RGS6: variants seen among roughly 807,000 people sequenced by gnomAD.
The protein encoded by RGS6 is regulator of G protein signaling 6, also known as regulator of G-protein signaling 6.
In RGS6, 30 loss-of-function variants were observed where a neutral mutation model predicts 78.5. The ratio of observed to expected loss-of-function variants is 0.38; its 90% CI spans 0.29 to 0.52. The LOEUF is 0.52. Among genes scored for constraint, RGS6 ranks in the 20% least tolerant of loss-of-function variants. The pLI is 0.85. For missense variants in RGS6, 495 were observed against 609.7 expected, an observed-to-expected ratio of 0.81 and a Z score of 1.98; for synonymous variants, 206 against 206.0, an observed-to-expected ratio of 1.00 and a Z score of 0.00.
chr14:72,009,990 C>T (rs761618108), intron 2 of RGS6, among the ~76,000 whole-genome samples: 20 of 152,210 alleles, frequency 1.3e-4, no homozygotes, highest in Middle Eastern at 6.3e-3. Context: ...AAGAATCAAT[C>T]GCAGTGGCAG....
chr14:72,194,172 G>A (rs140108119), intron 2 of RGS6, among the ~76,000 whole-genome samples: 5 of 152,064 alleles, frequency 3.3e-5, no homozygotes, highest in African/African-American at 1.2e-4. Context: ...TTTTGAAGGC[G>A]GAGTTCATTC....
At position 72,280,269 on chromosome 14, in the gene RGS6, G is replaced by C. The variant is rs549145695; in HGVS notation, c.85-71826G>C. ...CATAAGCATCAGAAAAAGTGAATAG[G>C]TTTTTAAAATAATAGGGAATAGAGA... On this transcript the variant is annotated intron_variant, in intron 2 of 17. Transcript: ENST00000553525. 2.0e-5 allele frequency among the ~76,000 whole-genome samples: 3 copies of C among 152,194 alleles called. No homozygotes were observed. In the Middle Eastern group the frequency reaches 0.01, roughly 518 times the overall value.
intron 2 of RGS6, among the ~76,000 whole-genome samples, chr14:72,282,528 T>G (rs2061754667): frequency 6.6e-6 from 1 of 152,198 alleles, no homozygotes; most frequent in South Asian, 2.1e-4. Context: ...CACCCCTGCT[T>G]AATGCTACTC....
At chr14:72,558,573 T>C (rs147944623) in intron 17 of RGS6, among the ~76,000 whole-genome samples, 95 of 152,334 alleles carry the variant, frequency 6.2e-4, no homozygotes, top group Non-Finnish European at 9.8e-4. Flanking sequence ...GGGCTATTCC[T>C]TTTGTGTGTT....
intron 16 of RGS6, 93 bp from the exon 17 acceptor site, chr14:72,539,948 T>G: frequency 8.9e-7 from 1 of 1,128,682 alleles, no homozygotes; most frequent in South Asian, 1.5e-5. Context: ...TGTTATTCTT[T>G]AGCTGCAGCT....
At chr14:72,321,398 TAAAA>T (rs908237516) in intron 2 of RGS6, among the ~76,000 whole-genome samples, 2 of 150,752 alleles carry the variant, frequency 1.3e-5, no homozygotes, top group Non-Finnish European at 3.0e-5. Context: ...ACTCCCATAT[TAAAA>T]AAAAAGATTC....
At chr14:72,098,357 A>G (rs914957860) in intron 2 of RGS6, among the ~76,000 whole-genome samples, 25 of 152,178 alleles carry the variant, frequency 1.6e-4, no homozygotes, top group African/African-American at 5.8e-4. Flanking sequence ...GTCCCCTGAA[A>G]GGGGTGAAGT....
chr14:71,992,183 G>A lies in RGS6; in HGVS notation c.84+27308G>A, dbSNP rs148148438. Among the ~76,000 whole-genome samples the A allele has an allele frequency of 6.2e-4, 94 of 152,140 alleles. No individual in the cohort carries two copies. The Middle Eastern group carries it at 0.01, about 17-fold the overall frequency. ...ATAGCTGGGACTATAGGCCTGCGCC[G>A]CCATGCTTGGCTAATTTTTTTGTAG... On this transcript the variant is annotated intron_variant, in intron 2 of 17. Coordinates refer to ENST00000553525, the MANE Select transcript of RGS6 (RefSeq NM_001204424.2).
intron 6 of RGS6, 50 bp from the exon 7 acceptor site, chr14:72,465,708 C>A: frequency 7.3e-7 from 1 of 1,361,342 alleles, no homozygotes; most frequent in South Asian, 1.2e-5. Flanking sequence ...GCTTATAATT[C>A]CATTGTGCTG....
intron 2 of RGS6, among the ~76,000 whole-genome samples, chr14:72,158,867 T>A (rs2096812344): frequency 6.6e-6 from 1 of 150,602 alleles, no homozygotes; most frequent in African/African-American, 2.4e-5. Context: ...CTCTAGAGCT[T>A]TCTGCCTGGG....
At chr14:72,304,773 G>A (rs555831007) in intron 2 of RGS6, among the ~76,000 whole-genome samples, 10 of 152,158 alleles carry the variant, frequency 6.6e-5, no homozygotes, top group South Asian at 2.1e-4. Context: ...CAGGCTACTC[G>A]GGAGGTTGAG....
intron 2 of RGS6, among the ~76,000 whole-genome samples, chr14:72,093,409 A>C (rs1287206343): frequency 1.3e-5 from 2 of 152,054 alleles, no homozygotes; most frequent in Admixed American, 6.6e-5. Flanking sequence ...CGCCCACCTA[A>C]TTTTGAAAAA....
chr14:72,361,978 G>A (rs1014314693), intron 3 of RGS6, among the ~76,000 whole-genome samples: 1 of 152,196 alleles, frequency 6.6e-6, no homozygotes, highest in Admixed American at 6.5e-5. Context: ...CAGGACCACT[G>A]GGGAAGAATG....
chr14:72,007,038 AAG>A (rs1198234521), intron 2 of RGS6, among the ~76,000 whole-genome samples: 2 of 152,202 alleles, frequency 1.3e-5, no homozygotes, highest in African/African-American at 2.4e-5. Context: ...AAAAAAAAGA[AAG>A]AAAAATTAAC....
intron 2 of RGS6, among the ~76,000 whole-genome samples, chr14:72,314,705 A>G (rs2283393): frequency 0.16 from 24,242 of 152,192 alleles, 3,179 homozygotes; most frequent in African/African-American, 0.36. Flanking sequence ...ACTTTCAGCA[A>G]CATCCAGCTT....
At chr14:71,922,591 TAACTA>T in the RGS6 span, among the ~76,000 whole-genome samples, 20,501 of 152,198 alleles carry the variant, frequency 0.13, 1,703 homozygotes, top group East Asian at 0.19. Flanking sequence ...ACAATACAGT[TAACTA>T]AACTATAGAT....
At chr14:72,356,314 GCTCT>G (rs909883636) in intron 3 of RGS6, among the ~76,000 whole-genome samples, 2 of 151,786 alleles carry the variant, frequency 1.3e-5, no homozygotes, top group African/African-American at 2.4e-5. Context: ...ACTTCCCCCT[GCTCT>G]CTCTCTCTCC....
intron 2 of RGS6, among the ~76,000 whole-genome samples, chr14:72,249,421 G>A (rs1304830238): frequency 1.3e-5 from 2 of 152,184 alleles, no homozygotes; most frequent in African/African-American, 4.8e-5. Flanking sequence ...GTAAATTTAT[G>A]TTACAAAAGG....
intron 12 of RGS6, among the ~76,000 whole-genome samples, chr14:72,490,328 C>T (rs1308378040): frequency 1.3e-5 from 2 of 152,174 alleles, no homozygotes; most frequent in Admixed American, 1.3e-4. Flanking sequence ...TGTGAGGCCT[C>T]CCCAGCTACA....
Sources: gnomAD v4.1 joint callset for allele counts (sites outside exome capture counted in the v4.1 genomes callset) on GRCh38, gnomAD v4.1.1 for gene constraint, MANE v1.5 for transcripts, NCBI Gene and HGNC (gene_info 2026-07-23, HGNC 2026-07-21) for gene names.